RPL37A: variants seen among roughly 807,000 people sequenced by gnomAD.
The protein encoded by RPL37A is large ribosomal subunit protein eL43.
Under a neutral mutation model 13.6 loss-of-function variants are expected in RPL37A, and 5 were observed. That is an observed-to-expected ratio of 0.37 (90% confidence interval 0.19 to 0.78). RPL37A has a LOEUF of 0.78. RPL37A is among the 30% of genes least tolerant of loss of function. The pLI is 0.49. For synonymous variants in RPL37A, 50 were observed against 44.4 expected, an observed-to-expected ratio of 1.13 and a Z score of -0.50; for missense variants, 77 against 120.0, an observed-to-expected ratio of 0.64 and a Z score of 1.67.
In RPL37A at chr2:216,499,254, C is replaced by A. The variant is rs369435256; in HGVS notation, c.4-16C>A. ...GTTCCAGGTCTATCACTGGTTTCTC[C>A]CTTCACTCTAAACAGGCCAAACGTA... On this transcript the variant is annotated splice_polypyrimidine_tract_variant and intron_variant, in intron 1 of 3. Coordinates refer to ENST00000491306, the MANE Select transcript of RPL37A (RefSeq NM_000998.5). 1.4e-5 allele frequency: 22 copies of A among 1,608,772 alleles called. No individual in the cohort carries two copies. Among genetic ancestry groups the A allele is most frequent in the Non-Finnish European group, 1.7e-5 (20 of 1,178,152 alleles).
intron 3 of RPL37A, 190 bp from the exon 4 acceptor site, chr2:216,501,151 A>G (rs1456429087): frequency 2.0e-6 from 1 of 497,660 alleles, no homozygotes; most frequent in Non-Finnish European, 3.6e-6. Context: ...ATTTCCGAGG[A>G]GTAATCTAAT....
chr2:216,502,240 T>C lies in RPL37A; in HGVS notation c.*836T>C, dbSNP rs986387593. On this transcript the variant is annotated 3_prime_UTR_variant, in exon 4 of 4. Coordinates refer to ENST00000491306, the MANE Select transcript of RPL37A (RefSeq NM_000998.5). ...TACTTTGGAGGCTCAGGCACAAGAA[T>C]CACTTGAACCTACGAGGCGGAGGTT... 3.3e-5 allele frequency: 5 copies of C among 152,114 alleles called. No individual in the cohort carries two copies. Among genetic ancestry groups the C allele is most frequent in the Admixed American group, 6.5e-5 (1 of 15,276 alleles). 9.4% of individuals were successfully genotyped at this position (152,114 alleles called of 1,614,324 possible).
At chr2:216,500,808 G>A (rs1695587040) in intron 3 of RPL37A, 1 of 152,276 alleles carries the variant, frequency 6.6e-6, no homozygotes, top group African/African-American at 2.4e-5. Flanking sequence ...TAAAACTTTT[G>A]TAGTCATTTC....
chr2:216,500,267 C>T (rs1191053718), intron 3 of RPL37A: 2 of 564,276 alleles, frequency 3.5e-6, no homozygotes, highest in Non-Finnish European at 6.3e-6. Flanking sequence ...ATTTGATGGT[C>T]ACTGGGCACA....
rs944533910 is a variant in RPL37A at position 216,503,809 on chromosome 2, C to G, written c.*2405C>G. ...ATACCTAAGGAAATAGTGATTTTCC[C>G]AAGATGATAGGGAGGCAGGTGATGT... On this transcript the variant is annotated 3_prime_UTR_variant, in exon 4 of 4. Coordinates refer to ENST00000491306, the MANE Select transcript of RPL37A (RefSeq NM_000998.5). The G allele has an allele frequency of 2.0e-5, 3 of 152,154 alleles. No individual in the cohort carries two copies. In the East Asian group the frequency reaches 5.8e-4, roughly 29 times the overall value. The allele number at this position is 152,154 out of a possible 1,614,324, so 9.4% of individuals were successfully genotyped here. A position where few individuals can be genotyped will look rare whatever the true frequency, so the allele number is the denominator to read the frequency against.
chr2:216,500,123 C>A (rs1036051439), intron 3 of RPL37A, 92 bp downstream of exon 3: 4 of 906,914 alleles, frequency 4.4e-6, no homozygotes, highest in Non-Finnish European at 7.3e-6. Flanking sequence ...TTAACACTTT[C>A]TCAGGACTGA....
intron 3 of RPL37A, chr2:216,500,498 AG>A (rs1559145287): frequency 5.4e-6 from 1 of 185,790 alleles, no homozygotes; most frequent in Non-Finnish European, 1.1e-5. Context: ...ATCACCTGAC[AG>A]GGCGATACTA....
At position 216,502,857 on chromosome 2, in the gene RPL37A, T is replaced by C. The variant is rs373641622; in HGVS notation, c.*1453T>C. 1.1e-4 allele frequency: 16 copies of C among 152,358 alleles called. No homozygotes were observed. Among genetic ancestry groups the C allele is most frequent in the African/African-American group, 3.8e-4 (16 of 41,580 alleles). The allele number at this position is 152,358 out of a possible 1,614,324, so 9.4% of individuals were successfully genotyped here. On this transcript the variant is annotated 3_prime_UTR_variant, in exon 4 of 4. Transcript: ENST00000491306. ...CTTTGCACGGATGTCTCCCTTCACC[T>C]GTACCTCCTGCATTGCCTCTGGCAG...
Position 216,499,284 on chromosome 2 carries a change from G to A in RPL37A, c.18G>A (p.Lys6=). 3 of 1,613,142 alleles carry A rather than the reference G, an allele frequency of 1.9e-6. No homozygotes were observed. Among genetic ancestry groups the A allele is most frequent in the Non-Finnish European group, 2.5e-6 (3 of 1,179,968 alleles). The part of the protein sequence containing the change: MAKRT[K]KVGIVGKYGT... ...ACTCTAAACAGGCCAAACGTACCAAGAAAGTCGGGATCGTCGGTAAATACG... is the reference window on the plus strand; with the variant it reads ...ACTCTAAACAGGCCAAACGTACCAAAAAAGTCGGGATCGTCGGTAAATACG... Residue 6 remains lysine (K), a synonymous_variant, in exon 2 of 4, where the codon AAG becomes AAA. Transcript: ENST00000491306.
At chr2:216,500,446 A>G (rs1183344905) in intron 3 of RPL37A, 3 of 226,602 alleles carry the variant, frequency 1.3e-5, no homozygotes, top group South Asian at 6.2e-5. Context: ...GTCTTTCTGA[A>G]CAGTATTAGA....
At chr2:216,501,022 TATAAA>T (rs1375903984) in intron 3 of RPL37A, 1 of 211,110 alleles carries the variant, frequency 4.7e-6, no homozygotes, top group East Asian at 1.2e-4. Flanking sequence ...CTGAGTTACT[TATAAA>T]AAAAAAAGCA....
Position 216,501,482 on chromosome 2 carries a change from T to A in RPL37A, c.*78T>A. ...ATGTAACAAAATTGCCTTGGCTTGT[T>A]AACTTTATTAGACATTCTGATGTTT... is the stretch of plus-strand genomic sequence containing the variant. On this transcript the variant is annotated 3_prime_UTR_variant, in exon 4 of 4. Transcript: ENST00000491306. The A allele has an allele frequency of 1.0e-6, 1 of 962,138 alleles. No individual in the cohort carries two copies. The highest frequency in any genetic ancestry group is 1.7e-6 in the Non-Finnish European group (1 of 606,060). The allele number at this position is 962,138 out of a possible 1,614,324, so 59.6% of individuals were successfully genotyped here.
chr2:216,499,589 G>A (rs1279621751), intron 2 of RPL37A, 191 bp downstream of exon 2: 8 of 741,564 alleles, frequency 1.1e-5, no homozygotes, highest in Non-Finnish European at 1.7e-5. Context: ...TTCATTTAAA[G>A]AAAACCGCTT....
At chr2:216,499,921 C>A in intron 2 of RPL37A, 28 bp from the exon 3 acceptor site, 1 of 1,572,154 alleles carries the variant, frequency 6.4e-7, no homozygotes, top group Non-Finnish European at 8.8e-7. Flanking sequence ...TTACTTGGTT[C>A]ATAGTGAAAA....
chr2:216,500,512 AACACTATACT>A (rs1225463615), intron 3 of RPL37A: 2 of 179,924 alleles, frequency 1.1e-5, no homozygotes, highest in Admixed American at 1.1e-4. Flanking sequence ...CGATACTACA[AACACTATACT>A]ACAAACTAGC....
chr2:216,499,752 C>A, intron 2 of RPL37A, 197 bp from the exon 3 acceptor site: 1 of 704,538 alleles, frequency 1.4e-6, no homozygotes, highest in Middle Eastern at 2.3e-4. Context: ...ACTTGTTCTG[C>A]GAGGGATTTT....
In RPL37A at chr2:216,503,861, G is replaced by A. The variant is rs1034538626; in HGVS notation, c.*2457G>A. 1 of 152,136 alleles carries A rather than the reference G, an allele frequency of 6.6e-6. No homozygotes were observed. The highest frequency in any genetic ancestry group is 2.4e-5 in the African/African-American group (1 of 41,420). The allele number at this position is 152,136 out of a possible 1,614,324, so 9.4% of individuals were successfully genotyped here. On this transcript the variant is annotated 3_prime_UTR_variant, in exon 4 of 4. Transcript: ENST00000491306. ...GATAGGGCTGAAGATTAGATTTCTG[G>A]CTCCTATCTGTGATTTTCTGCTGTA...
rs1695571427 is a variant in RPL37A at position 216,499,976 on chromosome 2, A to G, written c.160A>G (p.Ile54Val). The G allele has an allele frequency of 1.2e-6, 2 of 1,613,964 alleles. No individual in the cohort carries two copies. Among genetic ancestry groups the G allele is most frequent in the South Asian group, 2.2e-5 (2 of 91,084 alleles). The part of the protein sequence containing the change: ...KTKMKRRAVG[I>V]WHCGSCMKTV... ...CAAGATGAAGAGACGAGCTGTGGGGATCTGGCACTGTGGTTCCTGCATGAA... is the reference window on the plus strand; with the variant it reads ...CAAGATGAAGAGACGAGCTGTGGGGGTCTGGCACTGTGGTTCCTGCATGAA... Residue 54 changes from isoleucine (I) to valine (V), a missense_variant, in exon 3 of 4, where the codon ATC (isoleucine) becomes GTC (valine). By Grantham distance (29) the Ile-to-Val change is conservative. Transcript: ENST00000491306.
At chr2:216,499,636 C>G (rs537094015) in intron 2 of RPL37A, 6 of 636,260 alleles carry the variant, frequency 9.4e-6, no homozygotes, top group Non-Finnish European at 1.6e-5. Context: ...TGACAGAGTG[C>G]CCCCAGCCTA....
Sources: allele counts gnomAD v4.1 joint callset, GRCh38; gene constraint gnomAD v4.1.1; transcripts MANE v1.5; gene names NCBI Gene and HGNC (gene_info 2026-07-23, HGNC 2026-07-21).